Variants in CCS observed in about 807,000 individuals in gnomAD.
CCS encodes the protein superoxide dismutase copper chaperone.
Under a neutral mutation model 35.5 loss-of-function variants are expected in CCS, and 32 were observed. That is an observed-to-expected ratio of 0.90 (90% CI 0.68 to 1.21). The LOEUF (loss-of-function observed/expected upper bound fraction) is 1.21, where lower values mean the gene tolerates loss of function less well. Ranked by LOEUF, CCS falls within the 50% of genes most tolerant of loss-of-function variation. The pLI is 0.00. For synonymous variants in CCS, 130 were observed against 147.2 expected, an observed-to-expected ratio of 0.88 and a Z score of 0.84; for missense variants, 342 against 375.4, an observed-to-expected ratio of 0.91 and a Z score of 0.73.
At position 66,593,193 on chromosome 11, in the gene CCS, C is replaced by A; in HGVS notation, c.-69C>A. On this transcript the variant is annotated 5_prime_UTR_variant, in exon 1 of 8. Coordinates refer to ENST00000533244, the MANE Select transcript of CCS (RefSeq NM_005125.2). ...GGTGGCTTTAGAGGCTCAGTCCCCG[C>A]GACGCCGCGCTGGTTGGTGCTCCTG... The A allele has an allele frequency of 1.3e-6, 2 of 1,524,730 alleles. No individual in the cohort carries two copies. Among genetic ancestry groups the A allele is most frequent in the South Asian group, 2.4e-5 (2 of 83,356 alleles). The allele number at this position is 1,524,730 out of a possible 1,614,324, so 94.5% of individuals were successfully genotyped here. A position where few individuals can be genotyped will look rare whatever the true frequency, so the allele number is the denominator to read the frequency against.
At chr11:66,603,845 C>CAACAAAACAA (rs567060029) in intron 5 of CCS, among the ~76,000 whole-genome samples, 2 of 151,614 alleles carry the variant, frequency 1.3e-5, no homozygotes, top group South Asian at 2.1e-4. Flanking sequence ...GACTCCATCT[C>CAACAAAACAA]AACAAAACAA....
Position 66,605,697 on chromosome 11 carries a change from T to G in CCS, c.672-5T>G. On this transcript the variant is annotated splice_region_variant and splice_polypyrimidine_tract_variant and intron_variant, in intron 7 of 7. Transcript: ENST00000533244. ...ACCCACCCCTGACCACACATTCTTC[T>G]GCAGGTTGGCCTGTGGCATCATTGC... is the stretch of plus-strand genomic sequence containing the variant. 6.3e-7 allele frequency: 1 copy of G among 1,578,064 alleles called. No homozygotes were observed. The highest frequency in any genetic ancestry group is 8.6e-7 in the Non-Finnish European group (1 of 1,161,082).
In CCS at chr11:66,605,405, G is replaced by GAGC; in HGVS notation, c.560_562dup (p.Gln187dup). On this transcript the variant is annotated inframe_insertion, in exon 6 of 8. Transcript: ENST00000533244. Reference sequence around the variant, plus strand: ...CCGCGCCATCTTCAGAATGGAGGATGAGCAGCTGAAGGTAAGGTGGAAAAG... The same window carrying GAGC: ...CCGCGCCATCTTCAGAATGGAGGATGAGCAGCAGCTGAAGGTAAGGTGGAAAAG... The GAGC allele has an allele frequency of 6.2e-7, 1 of 1,614,180 alleles. No homozygotes were observed. Among genetic ancestry groups the GAGC allele is most frequent in the East Asian group, 2.2e-5 (1 of 44,882 alleles).
At chr11:66,596,183 C>T (rs935537350) in intron 2 of CCS, among the ~76,000 whole-genome samples, 1 of 151,944 alleles carries the variant, frequency 6.6e-6, no homozygotes, top group African/African-American at 2.4e-5. Flanking sequence ...TCTCCCACCT[C>T]AGCCTCCTGA....
intron 2 of CCS, among the ~76,000 whole-genome samples, chr11:66,596,716 A>C (rs1858483411): frequency 6.6e-6 from 1 of 152,102 alleles, no homozygotes; most frequent in Admixed American, 6.6e-5. Context: ...TGTGGACCTC[A>C]CAGAGCTCCT....
At chr11:66,600,434 A>G in intron 4 of CCS, 55 bp from the exon 5 acceptor site, 1 of 1,017,464 alleles carries the variant, frequency 9.8e-7, no homozygotes, top group Non-Finnish European at 1.4e-6. Flanking sequence ...ATGAGAGGGT[A>G]GAGCACCTGG....
In CCS at chr11:66,593,273, T is replaced by G; in HGVS notation, c.12T>G (p.Asp4Glu). The part of the protein sequence containing the change: MAS[D>E]SGNQGTLCTL... ...TGACTGGGTCCAGAATGGCTTCGGA[T>G]TCGGGGAACCAGGGGACCCTCTGCA... The change falls in exon 1 of 8, where the codon GAT becomes GAG. Residue 4 changes from aspartate to glutamate, a missense_variant. Asp to Glu is a conservative substitution (Grantham distance 45, BLOSUM62 2). Transcript: ENST00000533244. The G allele has an allele frequency of 6.4e-7, 1 of 1,559,608 alleles. No homozygotes were observed. Among genetic ancestry groups the G allele is most frequent in the Non-Finnish European group, 8.7e-7 (1 of 1,152,824 alleles).
rs371448775 is a variant in CCS, at chr11:66,598,600, C to T, written c.113-516C>T. Among the ~76,000 whole-genome samples, 36 of 151,048 alleles carry T rather than the reference C, an allele frequency of 2.4e-4. 1 individual carries two copies. Among genetic ancestry groups the T allele is most frequent in the African/African-American group, 8.0e-4 (33 of 41,308 alleles). On this transcript the variant is annotated intron_variant, in intron 2 of 7. Transcript: ENST00000533244. ...TTGCCTATTCTAGATATCTAATATA[C>T]ATGGCATTATATATGTGGCTTTGTG...
At position 66,593,631 on chromosome 11, in the gene CCS, C is replaced by T. The variant is rs1472163078; in HGVS notation, c.40-11C>T. On this transcript the variant is annotated splice_polypyrimidine_tract_variant and intron_variant, in intron 1 of 7. Transcript: ENST00000533244. Reference sequence around the variant, plus strand: ...CCAGCGATCATCGGTTGGTCCCTGCCGCCCTTGCAGTTGGAGTTCGCGGTG... The same window carrying T: ...CCAGCGATCATCGGTTGGTCCCTGCTGCCCTTGCAGTTGGAGTTCGCGGTG... 2 of 1,613,092 alleles carry T rather than the reference C, an allele frequency of 1.2e-6. No individual in the cohort carries two copies. Among genetic ancestry groups the T allele is most frequent in the East Asian group, 2.2e-5 (1 of 44,850 alleles).
chr11:66,602,107 G>A lies in CCS; in HGVS notation c.489+1558G>A, dbSNP rs61890402. 6.6e-5 allele frequency among the ~76,000 whole-genome samples: 10 copies of A among 152,314 alleles called. No homozygotes were observed. The East Asian group carries it at 1.9e-3, about 29-fold the overall frequency. ...AAATTGGAGAGGCATTTCTTATAGA[G>A]TCCATTGCACAGTGCCATGCTTATG... On this transcript the variant is annotated intron_variant, in intron 5 of 7. Transcript: ENST00000533244.
chr11:66,599,237 G>A lies in CCS; in HGVS notation c.234G>A (p.Met78Ile), dbSNP rs780127005. The A allele has an allele frequency of 1.2e-6, 2 of 1,608,360 alleles. No individual in the cohort carries two copies. The highest frequency in any genetic ancestry group is 1.7e-6 in the Non-Finnish European group (2 of 1,177,240). Residue 78 changes from methionine (M) to isoleucine (I), a missense_variant, in exon 3 of 8, where the codon ATG becomes ATA. Physicochemically the swap from Met to Ile is conservative, Grantham distance 10 (BLOSUM62 1). Transcript: ENST00000533244. ...GGCGGCAGGCGGTACTCAAGGGCAT[G>A]GGCAGCGGCCAGTTGCGTGAGTGAC... ...GTGRQAVLKGMGSGQLQNLGA... is the reference protein window; with the variant it reads ...GTGRQAVLKGIGSGQLQNLGA...
intron 2 of CCS, among the ~76,000 whole-genome samples, chr11:66,598,821 A>G (rs1182447731): frequency 6.6e-6 from 1 of 152,180 alleles, no homozygotes; most frequent in Admixed American, 6.6e-5. Flanking sequence ...AAAAAAAACA[A>G]AACACTGCTT....
rs567060029 is a variant in CCS, at chr11:66,603,845, CAACAAAACAA to C, written c.490-1471_490-1462del. Among the ~76,000 whole-genome samples, 74 of 151,614 alleles carry C rather than the reference CAACAAAACAA, an allele frequency of 4.9e-4. 1 individual carries two copies. Among genetic ancestry groups the C allele is most frequent in the Middle Eastern group, 3.4e-3 (1 of 292 alleles). ...TGGGCGACAGAGCAAGACTCCATCTCAACAAAACAAAACAAAACAAAACAAAACAAAAGTT... is the reference window on the plus strand; with the variant it reads ...TGGGCGACAGAGCAAGACTCCATCTCAACAAAACAAAACAAAACAAAAGTT... On this transcript the variant is annotated intron_variant, in intron 5 of 7. Coordinates refer to ENST00000533244, the MANE Select transcript of CCS (RefSeq NM_005125.2).
chr11:66,594,934 A>G (rs953037358), intron 2 of CCS, among the ~76,000 whole-genome samples: 27 of 152,190 alleles, frequency 1.8e-4, no homozygotes, highest in African/African-American at 5.8e-4. Flanking sequence ...CATTCGCAGA[A>G]TGCTTCGTGG....
intron 4 of CCS, chr11:66,600,240 T>C: frequency 2.8e-6 from 1 of 355,538 alleles, no homozygotes; most frequent in Non-Finnish European, 5.0e-6. Flanking sequence ...CCCCATGCCA[T>C]GGTGTTTGTC....
At position 66,593,635 on chromosome 11, in the gene CCS, C is replaced by T. The variant is rs1263911654; in HGVS notation, c.40-7C>T. 1 of 1,613,380 alleles carries T rather than the reference C, an allele frequency of 6.2e-7. No homozygotes were observed. The highest frequency in any genetic ancestry group is 1.7e-5 in the Admixed American group (1 of 59,988). ...CGATCATCGGTTGGTCCCTGCCGCCCTTGCAGTTGGAGTTCGCGGTGCAGA... is the reference window on the plus strand; with the variant it reads ...CGATCATCGGTTGGTCCCTGCCGCCTTTGCAGTTGGAGTTCGCGGTGCAGA... On this transcript the variant is annotated splice_region_variant and splice_polypyrimidine_tract_variant and intron_variant, in intron 1 of 7. Coordinates refer to ENST00000533244, the MANE Select transcript of CCS (RefSeq NM_005125.2).
chr11:66,596,792 A>AGG (rs540646491), intron 2 of CCS, among the ~76,000 whole-genome samples: 1 of 152,136 alleles, frequency 6.6e-6, no homozygotes, highest in South Asian at 2.1e-4. Context: ...GAATTACAGG[A>AGG]GGGGGAGTGT....
intron 7 of CCS, 22 bp from the exon 8 acceptor site, chr11:66,605,680 C>G: frequency 6.3e-7 from 1 of 1,575,888 alleles, no homozygotes; most frequent in South Asian, 1.2e-5. Flanking sequence ...GTACCCACCC[C>G]TGACCACACA....
intron 2 of CCS, 72 bp downstream of exon 2, chr11:66,593,786 G>A: frequency 7.3e-7 from 1 of 1,361,356 alleles, no homozygotes; most frequent in African/African-American, 1.4e-5. Flanking sequence ...TCTATTAGGC[G>A]AACCCTACTC....
Sources: gnomAD v4.1 joint callset for allele counts (sites outside exome capture counted in the v4.1 genomes callset) on GRCh38, gnomAD v4.1.1 for gene constraint, MANE v1.5 for transcripts, NCBI Gene and HGNC (gene_info 2026-07-23, HGNC 2026-07-21) for gene names.